Variants in TTC12 observed in about 807,000 individuals in gnomAD.
The protein encoded by TTC12 is tetratricopeptide repeat protein 12.
TTC12 carries 70 observed loss-of-function variants against 90.1 expected under a neutral mutation model. The observed-to-expected ratio is 0.78, with a 90% CI of 0.64 to 0.95. The LOEUF (loss-of-function observed/expected upper bound fraction) is 0.95. Among genes scored for constraint, TTC12 ranks in the 40% least tolerant of loss-of-function variants. The pLI, the probability that TTC12 is intolerant of heterozygous loss-of-function variation, is 0.00. For synonymous variants in TTC12, 296 were observed against 311.5 expected (o/e 0.95, Z 0.53); for missense variants, 819 against 846.1 (o/e 0.97, Z 0.40).
At chr11:113,350,377 ATGGGT>A (rs1331791777) in intron 14 of TTC12, among the ~76,000 whole-genome samples, 1 of 152,156 alleles carries the variant, frequency 6.6e-6, no homozygotes, top group Non-Finnish European at 1.5e-5. Context: ...CCGGGCCTCC[ATGGGT>A]TTGGAAGCAG....
chr11:113,362,530 C>G, intron 19 of TTC12, 28 bp downstream of exon 19: 1 of 1,432,016 alleles, frequency 7.0e-7, no homozygotes, highest in Non-Finnish European at 9.9e-7. Context: ...GTTACAACCC[C>G]TGAAATGTAC....
downstream of TTC12, chr11:113,368,376 T>G (rs1950281808): frequency 6.5e-7 from 1 of 1,547,746 alleles, no homozygotes; most frequent in African/African-American, 1.4e-5. Flanking sequence ...CCAGGCAGCA[T>G]GGAAAATACC....
chr11:113,324,012 T>A lies in TTC12; in HGVS notation c.241T>A (p.Ser81Thr), dbSNP rs782373870. The change falls in exon 4 of 22, where the codon TCA (serine) becomes ACA (threonine). Residue 81 changes from serine (S) to threonine (T), a missense_variant. By Grantham distance (58) the Ser-to-Thr change is moderately conservative. Transcript: ENST00000529221. ...TAMKSAEEIN[S>T]EAFLASVEKD... ...TCTACAGAGTGCAGAAGAAATAAAC[T>A]CAGGTAAGGACAGCATCTCTCTTCC... is the stretch of plus-strand genomic sequence containing the variant. 2.5e-6 allele frequency: 4 copies of A among 1,611,962 alleles called. No individual in the cohort carries two copies. Among genetic ancestry groups the A allele is most frequent in the Admixed American group, 3.3e-5 (2 of 59,862 alleles).
At chr11:113,350,438 G>C (rs1949207347) in intron 14 of TTC12, among the ~76,000 whole-genome samples, 1 of 152,172 alleles carries the variant, frequency 6.6e-6, no homozygotes, top group Non-Finnish European at 1.5e-5. Flanking sequence ...AGCCTCCCAA[G>C]TGTCAGGAAC....
At chr11:113,331,723 A>C (rs1299995199) in intron 7 of TTC12, among the ~76,000 whole-genome samples, 2 of 152,240 alleles carry the variant, frequency 1.3e-5, no homozygotes, top group Admixed American at 1.3e-4. Context: ...GCCTGTTCCC[A>C]AATGTTAATT....
chr11:113,370,512 T>C (rs1950353326), downstream of TTC12, among the ~76,000 whole-genome samples: 1 of 152,226 alleles, frequency 6.6e-6, no homozygotes, highest in African/African-American at 2.4e-5. Context: ...GGATGACTTA[T>C]TTCCTTTTAA....
intron 4 of TTC12, 61 bp downstream of exon 4, chr11:113,324,076 T>A (rs1355927676): frequency 1.4e-6 from 2 of 1,379,358 alleles, no homozygotes; most frequent in East Asian, 2.3e-5. Flanking sequence ...TTTGATTGAT[T>A]GTAGCTCCCA....
chr11:113,340,613 C>A, intron 10 of TTC12, 51 bp from the exon 11 acceptor site: 1 of 1,460,254 alleles, frequency 6.8e-7, no homozygotes, highest in Non-Finnish European at 9.6e-7. Flanking sequence ...CAGCGAGACA[C>A]CAGCCAGCCA....
At chr11:113,329,811 A>C in intron 6 of TTC12, 109 bp from the exon 7 acceptor site, 1 of 897,924 alleles carries the variant, frequency 1.1e-6, no homozygotes, top group East Asian at 2.5e-5. Flanking sequence ...TGATCCAGGT[A>C]GGGGATAGTT....
At chr11:113,321,652 A>G (rs146060490) in intron 2 of TTC12, among the ~76,000 whole-genome samples, 126 of 152,320 alleles carry the variant, frequency 8.3e-4, no homozygotes, top group African/African-American at 2.8e-3. Context: ...AGTGGAGCCT[A>G]TTTCTCTGCC....
intron 16 of TTC12, among the ~76,000 whole-genome samples, chr11:113,357,696 G>A (rs1401680222): frequency 6.6e-6 from 1 of 152,160 alleles, no homozygotes; most frequent in African/African-American, 2.4e-5. Context: ...GATTTTAGGA[G>A]GTCAATATTC....
At chr11:113,318,648 A>G (rs1782426699) in intron 2 of TTC12, among the ~76,000 whole-genome samples, 1 of 152,226 alleles carries the variant, frequency 6.6e-6, no homozygotes, top group South Asian at 2.1e-4. Flanking sequence ...AAATTAAATA[A>G]AGTTTTCCAG....
At chr11:113,359,772 G>A (rs148748594) in intron 17 of TTC12, among the ~76,000 whole-genome samples, 168 bp from the exon 18 acceptor site, 1 of 152,326 alleles carries the variant, frequency 6.6e-6, no homozygotes, top group Non-Finnish European at 1.5e-5. Flanking sequence ...CTGGAGTTAG[G>A]GGAGACAGAC....
Position 113,347,780 on chromosome 11 carries a change from GATGTGGGTGACTGGAATTC to G in TTC12, c.1155-2290_1155-2272del, listed in dbSNP as rs1300403365. On this transcript the variant is annotated intron_variant, in intron 13 of 21. Coordinates refer to ENST00000529221, the MANE Select transcript of TTC12 (RefSeq NM_017868.4). ...GTGGCTAAATAGATCCAGCACCATAGATGTGGGTGACTGGAATTCATATTCCCAAAAGCCCAATCTGATG... is the reference window on the plus strand; with the variant it reads ...GTGGCTAAATAGATCCAGCACCATAGATATTCCCAAAAGCCCAATCTGATG... 2.0e-5 allele frequency among the ~76,000 whole-genome samples: 3 copies of G among 152,182 alleles called. No individual in the cohort carries two copies. The East Asian group carries it at 5.8e-4, about 29-fold the overall frequency.
intron 6 of TTC12, 196 bp downstream of exon 6, chr11:113,325,841 A>C: frequency 1.5e-6 from 1 of 657,860 alleles, no homozygotes; most frequent in Non-Finnish European, 2.5e-6. Context: ...CCATGATCTA[A>C]TTTGGAATCA....
intron 7 of TTC12, among the ~76,000 whole-genome samples, chr11:113,332,464 T>A (rs1309571717): frequency 2.0e-5 from 3 of 152,242 alleles, no homozygotes; most frequent in Admixed American, 6.5e-5. Context: ...TGCCAGTGAA[T>A]GCACTGTGAA....
In TTC12 at chr11:113,352,068, A is replaced by G; in HGVS notation, c.1309-2A>G. 1 of 1,613,386 alleles carries G rather than the reference A, an allele frequency of 6.2e-7. No homozygotes were observed. The highest frequency in any genetic ancestry group is 1.1e-5 in the South Asian group (1 of 90,942). On this transcript the variant is annotated splice_acceptor_variant, in intron 15 of 21. Transcript: ENST00000529221. LOFTEE classifies it high-confidence loss of function. Reference sequence around the variant, plus strand: ...CTCTGCCTTCTCTCAATTCTCATTTAGAAGACAGATCCCAAGGTAAGCAGC... The same window carrying G: ...CTCTGCCTTCTCTCAATTCTCATTTGGAAGACAGATCCCAAGGTAAGCAGC...
intron 10 of TTC12, 83 bp downstream of exon 10, chr11:113,339,557 A>C: frequency 8.1e-7 from 1 of 1,239,256 alleles, no homozygotes; most frequent in Non-Finnish European, 1.1e-6. Context: ...CAGGCCAAGA[A>C]TCCCTCCCTT....
At chr11:113,351,075 A>G (rs556212718) in intron 14 of TTC12, among the ~76,000 whole-genome samples, 164 bp from the exon 15 acceptor site, 1 of 152,348 alleles carries the variant, frequency 6.6e-6, no homozygotes, top group African/African-American at 2.4e-5. Context: ...GAGCCACATT[A>G]CATACACAGT....
Sources: gnomAD v4.1 joint callset for allele counts (sites outside exome capture counted in the v4.1 genomes callset) on GRCh38, gnomAD v4.1.1 for gene constraint, MANE v1.5 for transcripts, NCBI Gene and HGNC (gene_info 2026-07-23, HGNC 2026-07-21) for gene names.